Variants in ADGB observed in about 807,000 individuals in gnomAD.
ADGB encodes androglobin.
ADGB carries 172 observed loss-of-function variants against 210.5 expected under a neutral mutation model. The observed-to-expected ratio is 0.82, with a 90% CI of 0.72 to 0.93. ADGB has a LOEUF of 0.93. Among genes scored for constraint, ADGB ranks in the 40% least tolerant of loss-of-function variants. The pLI, the probability that ADGB is intolerant of heterozygous loss-of-function variation, is 0.00. For missense variants in ADGB, 2,025 were observed against 1,964.8 expected (o/e 1.03, Z -0.58); for synonymous variants, 658 against 662.7 (o/e 0.99, Z 0.11).
chr6:146,690,870 G>C lies in ADGB; in HGVS notation c.1312-246G>C, dbSNP rs147182676. Among the ~76,000 whole-genome samples, 57 of 152,158 alleles carry C rather than the reference G, an allele frequency of 3.7e-4. No individual in the cohort carries two copies. The East Asian group carries it at 7.3e-3, about 20-fold the overall frequency. ...AATCTCATTCATCCTTAAGCTTTTA[G>C]AACTGAAAAGTGTATTCTAGTTCCA... On this transcript the variant is annotated intron_variant, in intron 10 of 35. Coordinates refer to ENST00000397944, the MANE Select transcript of ADGB (RefSeq NM_024694.4).
At position 146,779,471 on chromosome 6, in the gene ADGB, G is replaced by C. The variant is rs538536482; in HGVS notation, c.3863-2549G>C. On this transcript the variant is annotated intron_variant, in intron 29 of 35. Coordinates refer to ENST00000397944, the MANE Select transcript of ADGB (RefSeq NM_024694.4). ...AAACATTAACTGGCACATTCAAGAA[G>C]TTAAACTCCACATGGGAAAAATTCA... Among the ~76,000 whole-genome samples the C allele has an allele frequency of 2.6e-5, 4 of 152,266 alleles. No homozygotes were observed. In the East Asian group the frequency reaches 7.7e-4, roughly 29 times the overall value.
At chr6:146,716,266 G>A (rs1243833957) in intron 14 of ADGB, among the ~76,000 whole-genome samples, 2 of 151,972 alleles carry the variant, frequency 1.3e-5, no homozygotes, top group East Asian at 1.9e-4. Context: ...AAAGAATCTA[G>A]CTAATTTGTG....
At chr6:146,716,202 T>G (rs1411468426) in intron 14 of ADGB, among the ~76,000 whole-genome samples, 1 of 152,172 alleles carries the variant, frequency 6.6e-6, no homozygotes, top group Non-Finnish European at 1.5e-5. Context: ...CCCTTTCTGT[T>G]GTCTGAGCCA....
intron 9 of ADGB, among the ~76,000 whole-genome samples, chr6:146,685,396 T>G (rs924268817): frequency 6.6e-6 from 1 of 152,078 alleles, no homozygotes; most frequent in African/African-American, 2.4e-5. Context: ...AATGCTTCAA[T>G]TTAAAAATAA....
intron 9 of ADGB, among the ~76,000 whole-genome samples, chr6:146,684,263 A>C (rs73589834): frequency 0.044 from 6,667 of 152,204 alleles, 393 homozygotes; most frequent in African/African-American, 0.14. Flanking sequence ...GAAAGTTCTG[A>C]AGATAGATTA....
chr6:146,780,072 T>C (rs1392671434), intron 29 of ADGB, among the ~76,000 whole-genome samples: 1 of 151,918 alleles, frequency 6.6e-6, no homozygotes, highest in African/African-American at 2.4e-5. Context: ...TGTATAAAGA[T>C]GAAATTTGTG....
At chr6:146,785,840 T>TA (rs1777865044) in intron 32 of ADGB, 128 bp downstream of exon 32, 1 of 690,380 alleles carries the variant, frequency 1.4e-6, no homozygotes, top group South Asian at 2.1e-5. Flanking sequence ...TTGAGGATTA[T>TA]AAAAAGTCGC....
intron 12 of ADGB, among the ~76,000 whole-genome samples, chr6:146,698,640 C>T (rs191853773): frequency 3.9e-5 from 6 of 152,246 alleles, no homozygotes; most frequent in South Asian, 4.1e-4. Flanking sequence ...TCAAGCCATG[C>T]GGGACAGCTT....
At chr6:146,651,445 T>G (rs902053291) in intron 3 of ADGB, among the ~76,000 whole-genome samples, 2 of 152,280 alleles carry the variant, frequency 1.3e-5, no homozygotes, top group South Asian at 4.1e-4. Context: ...TGCTAGAAGT[T>G]GGGGAATGGC....
intron 33 of ADGB, 147 bp from the exon 34 acceptor site, chr6:146,801,036 T>C (rs1168342911): frequency 5.4e-6 from 2 of 371,314 alleles, no homozygotes; most frequent in African/African-American, 2.1e-5. Context: ...ATATATATTA[T>C]TAACATTATG....
intron 2 of ADGB, among the ~76,000 whole-genome samples, chr6:146,637,246 AG>A (rs1775438527): frequency 6.6e-6 from 1 of 151,980 alleles, no homozygotes; most frequent in Admixed American, 6.6e-5. Flanking sequence ...TTAGGGATCA[AG>A]CACAAAGTAG....
intron 3 of ADGB, among the ~76,000 whole-genome samples, chr6:146,650,915 A>G (rs1049882902): frequency 6.6e-6 from 1 of 152,228 alleles, no homozygotes; most frequent in Non-Finnish European, 1.5e-5. Context: ...TCCTGCATTA[A>G]GTCCAGATGT....
At chr6:146,791,914 C>T (rs938526612) in intron 33 of ADGB, among the ~76,000 whole-genome samples, 14 of 144,708 alleles carry the variant, frequency 9.7e-5, no homozygotes, top group South Asian at 4.4e-4. Context: ...TGTGCCACTG[C>T]ACCTTGCTTT....
chr6:146,786,912 G>A (rs985318832), intron 32 of ADGB, among the ~76,000 whole-genome samples: 4 of 152,124 alleles, frequency 2.6e-5, no homozygotes. Flanking sequence ...GGCTACTGAA[G>A]TAGGAGAGAA....
rs543319038 is a variant in ADGB, at chr6:146,794,245, G to T, written c.4537+5635G>T. 2.6e-5 allele frequency among the ~76,000 whole-genome samples: 4 copies of T among 152,250 alleles called. No individual in the cohort carries two copies. In the East Asian group the frequency reaches 7.7e-4, roughly 29 times the overall value. On this transcript the variant is annotated intron_variant, in intron 33 of 35. Transcript: ENST00000397944. ...CACATAAGAAGAATATGCCTTGGCT[G>T]GGTAGACAGAACTGGTTGTGTATGT...
chr6:146,764,631 A>G (rs1747650097), intron 28 of ADGB, among the ~76,000 whole-genome samples: 1 of 152,236 alleles, frequency 6.6e-6, no homozygotes, highest in African/African-American at 2.4e-5. Context: ...AAATTACAAT[A>G]AATCCAAATA....
intron 13 of ADGB, among the ~76,000 whole-genome samples, chr6:146,710,250 A>G (rs557239863): frequency 4.7e-5 from 7 of 150,324 alleles, no homozygotes; most frequent in African/African-American, 1.5e-4. Context: ...CTAAAATGTT[A>G]TAGTTTTACT....
chr6:146,770,519 C>A, intron 29 of ADGB: 1 of 456,536 alleles, frequency 2.2e-6, no homozygotes, highest in South Asian at 1.6e-5. Context: ...TGTTCTTCCT[C>A]GGTCTCATCA....
chr6:146,654,688 T>C (rs1775755363), intron 4 of ADGB, among the ~76,000 whole-genome samples: 1 of 152,116 alleles, frequency 6.6e-6, no homozygotes, highest in Non-Finnish European at 1.5e-5. Context: ...AATTTGATGG[T>C]TTGATATACA....
Sources: allele counts gnomAD v4.1 joint callset (sites outside exome capture counted in the v4.1 genomes callset), GRCh38; gene constraint gnomAD v4.1.1; transcripts MANE v1.5; gene names NCBI Gene and HGNC (gene_info 2026-07-23, HGNC 2026-07-21).